The following RBFOX1 variants were observed in gnomAD, a reference collection of about 807,000 sequenced individuals.
RBFOX1 encodes the protein RNA binding protein fox-1 homolog 1.
RBFOX1 carries 8 observed loss-of-function variants against 57.7 expected under a neutral mutation model. The ratio of observed to expected loss-of-function variants is 0.14; its 90% CI spans 0.08 to 0.25. The LOEUF (loss-of-function observed/expected upper bound fraction) is 0.25, where lower values mean the gene tolerates loss of function less well. RBFOX1 is among the 10% of genes least tolerant of loss of function. The pLI, the probability that RBFOX1 is intolerant of heterozygous loss-of-function variation, is 1.00. For synonymous variants in RBFOX1, 326 were observed against 222.4 expected (o/e 1.47, Z -4.15); for missense variants, 611 against 548.5 (o/e 1.11, Z -1.14).
At chr16:6,370,582 C>A (rs992296574) in intron 2 of RBFOX1, among the ~76,000 whole-genome samples, 1 of 151,994 alleles carries the variant, frequency 6.6e-6, no homozygotes, top group Non-Finnish European at 1.5e-5. Flanking sequence ...AGAAACCAGT[C>A]GCAAAAGGAC....
At chr16:6,904,107 C>G (rs114860050) in intron 3 of RBFOX1, among the ~76,000 whole-genome samples, 4 of 152,138 alleles carry the variant, frequency 2.6e-5, no homozygotes, top group Non-Finnish European at 5.9e-5. Flanking sequence ...ATTCACCACC[C>G]CTATACCTAA....
At chr16:7,140,194 C>G (rs892741446) in intron 4 of RBFOX1, among the ~76,000 whole-genome samples, 1 of 139,640 alleles carries the variant, frequency 7.2e-6, no homozygotes, top group Non-Finnish European at 1.6e-5. Context: ...CTCTCTCTCT[C>G]CCTCCTTCTC....
chr16:7,668,317 A>C (rs1417861087), intron 13 of RBFOX1, among the ~76,000 whole-genome samples: 1 of 152,174 alleles, frequency 6.6e-6, no homozygotes, highest in Non-Finnish European at 1.5e-5. Context: ...CTTCTCTCAA[A>C]TGACCTCCTT....
At chr16:7,632,193 G>A (rs572895764) in intron 11 of RBFOX1, among the ~76,000 whole-genome samples, 32 of 152,290 alleles carry the variant, frequency 2.1e-4, no homozygotes, top group African/African-American at 7.2e-4. Context: ...ACAGGCGTGA[G>A]CCACTGCCCC....
At chr16:7,706,483 G>T (rs913143981) in intron 14 of RBFOX1, among the ~76,000 whole-genome samples, 1 of 152,198 alleles carries the variant, frequency 6.6e-6, no homozygotes, top group Non-Finnish European at 1.5e-5. Context: ...AGGAAAAGGT[G>T]GGAGCTACGC....
chr16:6,950,366 G>A (rs191456214), intron 3 of RBFOX1, among the ~76,000 whole-genome samples: 1 of 151,728 alleles, frequency 6.6e-6, no homozygotes, highest in East Asian at 1.9e-4. Flanking sequence ...GTGGATCTCT[G>A]TCCCTCTGTC....
intron 3 of RBFOX1, among the ~76,000 whole-genome samples, chr16:5,741,011 A>T (rs952252708): frequency 2.0e-5 from 3 of 152,148 alleles, no homozygotes; most frequent in Non-Finnish European, 2.9e-5. Flanking sequence ...GTAAAAAATT[A>T]AAAAATGTCT....
At chr16:6,921,645 A>ATATTT (rs910975670) in intron 3 of RBFOX1, among the ~76,000 whole-genome samples, 217 of 55,254 alleles carry the variant, frequency 3.9e-3, no homozygotes, top group African/African-American at 0.013. Flanking sequence ...ATATATATAT[A>ATATTT]TTTTTTTTTT....
chr16:7,143,954 T>C (rs969739742), intron 4 of RBFOX1, among the ~76,000 whole-genome samples: 23 of 152,202 alleles, frequency 1.5e-4, no homozygotes, highest in African/African-American at 5.5e-4. Context: ...TAGTTTTTTT[T>C]CTGAAAACAA....
intron 4 of RBFOX1, among the ~76,000 whole-genome samples, chr16:7,115,663 G>A (rs1451894521): frequency 1.3e-5 from 2 of 152,214 alleles, no homozygotes; most frequent in Non-Finnish European, 2.9e-5. Flanking sequence ...CAATTCAAGA[G>A]AGAATGAAAG....
intron 4 of RBFOX1, among the ~76,000 whole-genome samples, chr16:7,139,271 A>G (rs969774458): frequency 6.7e-6 from 1 of 150,288 alleles, no homozygotes; most frequent in African/African-American, 2.5e-5. Context: ...CATTATAGCT[A>G]CTCTGTCACT....
At chr16:5,639,262 A>G (rs553830763) in intron 3 of RBFOX1, among the ~76,000 whole-genome samples, 8 of 152,324 alleles carry the variant, frequency 5.3e-5, no homozygotes, top group African/African-American at 1.2e-4. Context: ...TAATTGCACA[A>G]TTGTGCTGAT....
intron 2 of RBFOX1, among the ~76,000 whole-genome samples, chr16:6,468,965 C>T (rs1041804696): frequency 6.6e-6 from 1 of 152,020 alleles, no homozygotes; most frequent in Non-Finnish European, 1.5e-5. Context: ...TCAGATAGGG[C>T]CCATTGTGTG....
intron 2 of RBFOX1, among the ~76,000 whole-genome samples, chr16:6,515,381 T>C (rs1455747739): frequency 6.6e-6 from 1 of 152,196 alleles, no homozygotes; most frequent in Non-Finnish European, 1.5e-5. Context: ...CAGTTGAGCA[T>C]TACGTAAAAC....
At chr16:6,458,968 G>C (rs186269151) in intron 2 of RBFOX1, among the ~76,000 whole-genome samples, 11 of 152,320 alleles carry the variant, frequency 7.2e-5, no homozygotes, top group Admixed American at 6.5e-4. Flanking sequence ...ACACTTCCCA[G>C]TAAGCATTTC....
At chr16:5,571,682 G>A (rs1567243345) in intron 2 of RBFOX1, among the ~76,000 whole-genome samples, 1 of 152,236 alleles carries the variant, frequency 6.6e-6, no homozygotes, top group South Asian at 2.1e-4. Context: ...ATGCAGTCAT[G>A]CAGGCCTGCA....
At chr16:6,968,702 T>TA (rs1310430237) in intron 3 of RBFOX1, among the ~76,000 whole-genome samples, 2 of 152,140 alleles carry the variant, frequency 1.3e-5, no homozygotes, top group African/African-American at 4.8e-5. Context: ...GTACACATAC[T>TA]AACTCCTGTT....
rs74006971 is a variant in RBFOX1, at chr16:6,229,912, G to A, written c.-126-87083G>A. Among the ~76,000 whole-genome samples, 449 of 151,954 alleles carry A rather than the reference G, an allele frequency of 3.0e-3. 1 individual carries two copies. Among genetic ancestry groups the A allele is most frequent in the African/African-American group, 9.8e-3 (408 of 41,444 alleles). ...ATGTCTTAGAATATTATTTGTCCTC[G>A]CGAAAGTGATCCTCATCCCTTATTT... On this transcript the variant is annotated intron_variant, in intron 1 of 15. Coordinates refer to ENST00000550418, the MANE Select transcript of RBFOX1 (RefSeq NM_018723.4).
intron 4 of RBFOX1, among the ~76,000 whole-genome samples, chr16:5,913,116 C>G (rs1214439607): frequency 1.3e-5 from 2 of 152,188 alleles, no homozygotes; most frequent in Non-Finnish European, 2.9e-5. Flanking sequence ...GTGTTAGCCT[C>G]TCTTTCTTGG....
Sources: allele counts gnomAD v4.1 joint callset (sites outside exome capture counted in the v4.1 genomes callset), GRCh38; gene constraint gnomAD v4.1.1; transcripts MANE v1.5; gene names NCBI Gene and HGNC (gene_info 2026-07-23, HGNC 2026-07-21).